Variants in MGAT4C observed in about 807,000 individuals in gnomAD.
MGAT4C encodes the protein alpha-1,3-mannosyl-glycoprotein 4-beta-N-acetylglucosaminyltransferase C.
Under a neutral mutation model 40.1 loss-of-function variants are expected in MGAT4C, and 19 were observed. The ratio of observed to expected loss-of-function variants is 0.47; its 90% CI spans 0.33 to 0.70. The LOEUF is 0.70. MGAT4C is among the 30% of genes least tolerant of loss of function. MGAT4C has a pLI of 0.02. For missense variants in MGAT4C, 491 were observed against 563.2 expected (o/e 0.87, Z 1.30); for synonymous variants, 181 against 187.1 (o/e 0.97, Z 0.27).
At chr12:86,494,105 T>G (rs369144112) in intron 2 of MGAT4C, among the ~76,000 whole-genome samples, 1 of 152,054 alleles carries the variant, frequency 6.6e-6, no homozygotes, top group South Asian at 2.1e-4. Flanking sequence ...CCTTAAAAAG[T>G]TCATTTGTGC....
intron 2 of MGAT4C, among the ~76,000 whole-genome samples, chr12:86,663,649 C>T (rs1964033834): frequency 6.6e-6 from 1 of 152,086 alleles, no homozygotes; most frequent in Non-Finnish European, 1.5e-5. Flanking sequence ...ATAGAAAACT[C>T]AGGAACAGAA....
intron 1 of MGAT4C, among the ~76,000 whole-genome samples, chr12:86,744,184 G>T (rs2136133836): frequency 6.6e-6 from 1 of 151,598 alleles, no homozygotes; most frequent in South Asian, 2.1e-4. Flanking sequence ...AACTCAGCAA[G>T]GGCTAATTTA....
intron 2 of MGAT4C, among the ~76,000 whole-genome samples, chr12:86,625,204 C>G (rs184658758): frequency 6.6e-6 from 1 of 152,190 alleles, no homozygotes; most frequent in Non-Finnish European, 1.5e-5. Flanking sequence ...GAAGAAGGTG[C>G]CTGGTTCCTT....
At chr12:86,367,478 T>A (rs1037106455) in intron 3 of MGAT4C, among the ~76,000 whole-genome samples, 1 of 152,150 alleles carries the variant, frequency 6.6e-6, no homozygotes, top group Non-Finnish European at 1.5e-5. Flanking sequence ...AAGCCTCCGC[T>A]GAATGCTTCA....
At chr12:86,393,186 G>T (rs1171118053) in intron 3 of MGAT4C, among the ~76,000 whole-genome samples, 2 of 152,036 alleles carry the variant, frequency 1.3e-5, no homozygotes, top group African/African-American at 2.4e-5. Flanking sequence ...TGATATACAT[G>T]AATAAATGAA....
chr12:86,818,184 C>T (rs185166378), intron 1 of MGAT4C, among the ~76,000 whole-genome samples: 313 of 151,174 alleles, frequency 2.1e-3, no homozygotes, highest in African/African-American at 7.3e-3. Context: ...GACAAAATTT[C>T]CATCATGAAT....
At chr12:86,734,500 G>C (rs948229249) in intron 1 of MGAT4C, among the ~76,000 whole-genome samples, 1 of 151,972 alleles carries the variant, frequency 6.6e-6, no homozygotes, top group East Asian at 1.9e-4. Context: ...CAAATCCTCA[G>C]CCCCAATGTA....
intron 1 of MGAT4C, among the ~76,000 whole-genome samples, chr12:86,782,559 A>T (rs1211128285): frequency 3.3e-5 from 5 of 152,170 alleles, no homozygotes; most frequent in Non-Finnish European, 7.3e-5. Flanking sequence ...TGTTATTAGT[A>T]GTGTAAATGA....
At chr12:86,021,688 TG>T (rs1256222398) in intron 2 of MGAT4C, among the ~76,000 whole-genome samples, 1 of 152,036 alleles carries the variant, frequency 6.6e-6, no homozygotes, top group Non-Finnish European at 1.5e-5. Context: ...TGTATACATA[TG>T]TAACAAACCT....
chr12:86,393,951 C>A (rs1359570458), intron 3 of MGAT4C, among the ~76,000 whole-genome samples: 1 of 152,134 alleles, frequency 6.6e-6, no homozygotes, highest in African/African-American at 2.4e-5. Context: ...CCAGTTCAGG[C>A]CAATGACACA....
At chr12:86,252,601 C>G (rs1353021846) in intron 1 of MGAT4C, among the ~76,000 whole-genome samples, 3 of 151,836 alleles carry the variant, frequency 2.0e-5, no homozygotes, top group Non-Finnish European at 4.4e-5. Context: ...GCATTAGTAG[C>G]TACCAAGACA....
At chr12:85,983,881 T>C (rs1884916747) in intron 3 of MGAT4C, among the ~76,000 whole-genome samples, 1 of 152,150 alleles carries the variant, frequency 6.6e-6, no homozygotes, top group African/African-American at 2.4e-5. Context: ...GCTCGCCTAT[T>C]TTGCTGTGTA....
chr12:86,053,544 C>A (rs1452102414), intron 1 of MGAT4C, among the ~76,000 whole-genome samples: 1 of 151,654 alleles, frequency 6.6e-6, no homozygotes, highest in Non-Finnish European at 1.5e-5. Flanking sequence ...GAGATTAAGA[C>A]CCCAAAAGCA....
chr12:86,617,956 G>T (rs1034181150), intron 2 of MGAT4C, among the ~76,000 whole-genome samples: 2 of 152,082 alleles, frequency 1.3e-5, no homozygotes, highest in African/African-American at 4.8e-5. Context: ...CTAATACCCA[G>T]AATATGTAAG....
At position 85,967,634 on chromosome 12, in the gene MGAT4C, TA is replaced by T. The variant is rs1883427744; in HGVS notation, c.*11654del. 6.6e-6 allele frequency: 1 copy of T among 152,038 alleles called. No homozygotes were observed. The highest frequency in any genetic ancestry group is 6.6e-5 in the Admixed American group (1 of 15,236). The allele number at this position is 152,038 out of a possible 1,614,324, so 9.4% of individuals were successfully genotyped here. ...TAGCTAGCAACACTATGTAGAAAAATATTTTAAATAAGACAGAGCATTAAAA... is the reference window on the plus strand; with the variant it reads ...TAGCTAGCAACACTATGTAGAAAAATTTTTAAATAAGACAGAGCATTAAAA... On this transcript the variant is annotated 3_prime_UTR_variant, in exon 5 of 5. Coordinates refer to ENST00000611864, the MANE Select transcript of MGAT4C (RefSeq NM_001351288.2).
chr12:86,190,338 T>A (rs2135897787), intron 1 of MGAT4C, among the ~76,000 whole-genome samples: 1 of 152,260 alleles, frequency 6.6e-6, no homozygotes, highest in Non-Finnish European at 1.5e-5. Flanking sequence ...AAGAGGATAA[T>A]TCAACTTTTC....
chr12:86,826,733 G>C (rs1191891002), intron 1 of MGAT4C, among the ~76,000 whole-genome samples: 15 of 151,222 alleles, frequency 9.9e-5, no homozygotes, highest in Non-Finnish European at 1.5e-5. Context: ...AGGCCAATAT[G>C]TTATAGCACT....
intron 1 of MGAT4C, among the ~76,000 whole-genome samples, chr12:86,105,398 C>T (rs839098): frequency 0.89 from 134,693 of 152,188 alleles, 59,844 homozygotes; most frequent in East Asian, 1. Flanking sequence ...AAAAGAATTA[C>T]ATGTATGATT....
chr12:86,071,025 A>T (rs1397533491), intron 1 of MGAT4C, among the ~76,000 whole-genome samples: 2 of 152,050 alleles, frequency 1.3e-5, no homozygotes, highest in African/African-American at 4.8e-5. Flanking sequence ...AATAAGACAG[A>T]TAGTCTCAAG....
Sources: allele counts gnomAD v4.1 joint callset (sites outside exome capture counted in the v4.1 genomes callset), GRCh38; gene constraint gnomAD v4.1.1; transcripts MANE v1.5; gene names NCBI Gene and HGNC (gene_info 2026-07-23, HGNC 2026-07-21).